The following LMO7 variants were observed in gnomAD, a reference collection of about 807,000 sequenced individuals.
The protein encoded by LMO7 is LIM domain 7.
LMO7 carries 120 observed loss-of-function variants against 206.5 expected under a neutral mutation model. That is an observed-to-expected ratio of 0.58 (90% CI 0.50 to 0.68). The LOEUF (loss-of-function observed/expected upper bound fraction) is 0.68. Ranked by LOEUF, LMO7 falls within the 30% of genes least tolerant of loss-of-function variation. LMO7 has a pLI of 0.00. For missense variants in LMO7, 1,959 were observed against 1,957.9 expected (o/e 1.00, Z -0.01); for synonymous variants, 706 against 681.5 (o/e 1.04, Z -0.56).
intron 30 of LMO7, 72 bp downstream of exon 30, chr13:75,856,680 AC>A: frequency 1.2e-6 from 1 of 859,790 alleles, no homozygotes; most frequent in Non-Finnish European, 2.0e-6. Context: ...ATTTCCCTGA[AC>A]CTGCAGCGAG....
Position 75,746,760 on chromosome 13 carries a change from C to T in LMO7, c.211-14172C>T, listed in dbSNP as rs1284253454. Among the ~76,000 whole-genome samples, 4 of 152,082 alleles carry T rather than the reference C, an allele frequency of 2.6e-5. No homozygotes were observed. The East Asian group carries it at 7.7e-4, about 29-fold the overall frequency. On this transcript the variant is annotated intron_variant, in intron 3 of 30. Transcript: ENST00000377534. ...TTATTACCAGTTTTCTCCCTTCAGG[C>T]ATCTTTTTTTAATTCCTGCAAGGTA...
Position 75,796,648 on chromosome 13 carries a change from T to C in LMO7, c.361T>C (p.Leu121=). 1 of 1,608,356 alleles carries C rather than the reference T, an allele frequency of 6.2e-7. No individual in the cohort carries two copies. Among genetic ancestry groups the C allele is most frequent in the Non-Finnish European group, 8.5e-7 (1 of 1,175,372 alleles). Residue 121 remains leucine, a synonymous_variant, in exon 6 of 31, where the codon TTG becomes CTG. Transcript: ENST00000377534. ...DRRVKNVLIT[L]YWLGRKAQSN... is the part of the protein sequence containing the mutation. Reference sequence around the variant, plus strand: ...TTTTTTTTTTAAGGTTTTGATAACATTGTACTGGCTGGGAAGAAAAGCACA... The same window carrying C: ...TTTTTTTTTTAAGGTTTTGATAACACTGTACTGGCTGGGAAGAAAAGCACA...
chr13:75,774,053 A>T (rs2050075037), intron 4 of LMO7, among the ~76,000 whole-genome samples: 1 of 151,986 alleles, frequency 6.6e-6, no homozygotes, highest in African/African-American at 2.4e-5. Context: ...CTTCTTACCC[A>T]TCTTTGCCTT....
chr13:75,630,717 T>G (rs1417212850), intron 2 of LMO7, among the ~76,000 whole-genome samples: 1 of 152,192 alleles, frequency 6.6e-6, no homozygotes, highest in Non-Finnish European at 1.5e-5. Flanking sequence ...AAAAGTTCAG[T>G]GATGTTTTTC....
chr13:75,745,655 A>C (rs977206025), intron 3 of LMO7, among the ~76,000 whole-genome samples: 2 of 152,304 alleles, frequency 1.3e-5, no homozygotes, highest in African/African-American at 2.4e-5. Flanking sequence ...CTGTAGACTG[A>C]GTAAAGCAGA....
At chr13:75,752,829 T>C (rs2047379782) in intron 3 of LMO7, among the ~76,000 whole-genome samples, 1 of 152,224 alleles carries the variant, frequency 6.6e-6, no homozygotes, top group African/African-American at 2.4e-5. Flanking sequence ...TATCCAGTCC[T>C]TCATTGATGG....
chr13:75,653,860 T>C (rs2037803281), intron 1 of LMO7, among the ~76,000 whole-genome samples: 1 of 152,220 alleles, frequency 6.6e-6, no homozygotes, highest in Non-Finnish European at 1.5e-5. Context: ...GAGATGTTTT[T>C]ATATTTCTCA....
At chr13:75,735,452 G>GT (rs1310496812) in intron 3 of LMO7, among the ~76,000 whole-genome samples, 2 of 151,966 alleles carry the variant, frequency 1.3e-5, no homozygotes, top group African/African-American at 4.8e-5. Context: ...AAAAAATTTA[G>GT]TTTTTGAAGT....
At chr13:75,643,056 C>T (rs967111007) in intron 1 of LMO7, among the ~76,000 whole-genome samples, 1 of 152,184 alleles carries the variant, frequency 6.6e-6, no homozygotes, top group Non-Finnish European at 1.5e-5. Context: ...TAAAACTTCT[C>T]CTAGGCTTAG....
chr13:75,654,121 T>C (rs1477629958), intron 1 of LMO7, among the ~76,000 whole-genome samples: 1 of 152,186 alleles, frequency 6.6e-6, no homozygotes, highest in Non-Finnish European at 1.5e-5. Context: ...TTAAAATTTC[T>C]AGCAGGAAAC....
At chr13:75,750,606 G>A (rs1416283248) in intron 3 of LMO7, among the ~76,000 whole-genome samples, 1 of 151,988 alleles carries the variant, frequency 6.6e-6, no homozygotes, top group Non-Finnish European at 1.5e-5. Flanking sequence ...TGTTGCCCAG[G>A]CTGGTCTCTA....
At chr13:75,802,564 A>G (rs1330135467) in intron 7 of LMO7, among the ~76,000 whole-genome samples, 1 of 152,240 alleles carries the variant, frequency 6.6e-6, no homozygotes, top group Non-Finnish European at 1.5e-5. Context: ...TGGCCCACCC[A>G]GCGGTGTGGA....
At chr13:75,621,622 T>C (rs1307531707) in exon 1 of LMO7, 6 of 734,882 alleles carry the variant, frequency 8.2e-6, no homozygotes, top group African/African-American at 1.8e-5. Flanking sequence ...GCTACAGTGA[T>C]AGGGCAAGTG....
intron 11 of LMO7, among the ~76,000 whole-genome samples, chr13:75,813,765 A>T (rs893389784): frequency 1.3e-5 from 2 of 152,218 alleles, no homozygotes; most frequent in Non-Finnish European, 2.9e-5. Context: ...TTAGCATTGC[A>T]TGGTGTAGGA....
intron 1 of LMO7, among the ~76,000 whole-genome samples, chr13:75,686,541 T>C (rs2041014931): frequency 6.6e-6 from 1 of 151,662 alleles, no homozygotes; most frequent in Non-Finnish European, 1.5e-5. Context: ...TTTTTTTTTT[T>C]TTTAAACTCT....
chr13:75,712,382 G>A (rs958477182), intron 1 of LMO7, among the ~76,000 whole-genome samples: 7 of 152,036 alleles, frequency 4.6e-5, no homozygotes, highest in African/African-American at 1.7e-4. Flanking sequence ...TTGTTCTTAG[G>A]GCAGCTTTTT....
intron 13 of LMO7, among the ~76,000 whole-genome samples, chr13:75,819,752 A>C (rs575492211): frequency 6.6e-6 from 1 of 152,226 alleles, no homozygotes; most frequent in Non-Finnish European, 1.5e-5. Flanking sequence ...ATGAGGACTT[A>C]AAATAGGTGT....
intron 11 of LMO7, among the ~76,000 whole-genome samples, chr13:75,814,242 A>T (rs1216449142): frequency 6.6e-6 from 1 of 152,228 alleles, no homozygotes; most frequent in Non-Finnish European, 1.5e-5. Flanking sequence ...TAAGTATAGC[A>T]AATTTTGCTG....
At position 75,730,951 on chromosome 13, in the gene LMO7, C is replaced by T. The variant is rs1426529997; in HGVS notation, c.210+3853C>T. On this transcript the variant is annotated intron_variant, in intron 3 of 30. Coordinates refer to ENST00000377534, the MANE Select transcript of LMO7 (RefSeq NM_001306080.2). ...TAGTTGAGCGGTTTTGAGTGAGTTT[C>T]TTAATCCTGAGTTCTAGTTTGATTG... Among the ~76,000 whole-genome samples the T allele has an allele frequency of 3.3e-5, 5 of 150,568 alleles. No homozygotes were observed. The East Asian group carries it at 5.8e-4, about 18-fold the overall frequency.
Sources: gnomAD v4.1 joint callset for allele counts (sites outside exome capture counted in the v4.1 genomes callset) on GRCh38, gnomAD v4.1.1 for gene constraint, MANE v1.5 for transcripts, NCBI Gene and HGNC (gene_info 2026-07-23, HGNC 2026-07-21) for gene names.